Variants in CHRNA7 observed in about 807,000 individuals in gnomAD.
CHRNA7 encodes neuronal acetylcholine receptor subunit alpha-7.
Under a neutral mutation model 48.0 loss-of-function variants are expected in CHRNA7, and 17 were observed. The ratio of observed to expected loss-of-function variants is 0.35; its 90% CI spans 0.24 to 0.53. The LOEUF (loss-of-function observed/expected upper bound fraction) is 0.53. CHRNA7 is among the 20% of genes least tolerant of loss of function. The pLI is 0.92. For missense variants in CHRNA7, 155 were observed against 577.7 expected, an observed-to-expected ratio of 0.27 and a Z score of 7.50; for synonymous variants, 75 against 242.3, an observed-to-expected ratio of 0.31 and a Z score of 6.41.
rs201839214 is a variant in CHRNA7 at position 32,149,277 on chromosome 15, CCT to C, written c.351-4629_351-4628del. Among the ~76,000 whole-genome samples the C allele has an allele frequency of 3.9e-3, 596 of 152,314 alleles. 6 individuals carry two copies. The highest frequency in any genetic ancestry group is 0.013 in the African/African-American group (553 of 41,572). On this transcript the variant is annotated intron_variant, in intron 4 of 9. Transcript: ENST00000306901. This position sits in a 1 kb window ranked among gnomAD's most constrained non-coding sequence, Gnocchi z 4.6. The stretch of plus-strand genomic sequence containing the variant: ...GAGAATGAATCCCTGCAGCCCTACC[CCT>C]GTTTCCACGGTTATGGGTGTTTGCC...
chr15:32,101,524 G>C, intron 3 of CHRNA7, 177 bp downstream of exon 3: 1 of 660,210 alleles, frequency 1.5e-6, no homozygotes, highest in African/African-American at 1.8e-5. Flanking sequence ...AATGCTGGCT[G>C]TATGACACTA....
At chr15:32,109,210 C>T (rs1252847902) in intron 3 of CHRNA7, among the ~76,000 whole-genome samples, 1 of 152,182 alleles carries the variant, frequency 6.6e-6, no homozygotes, top group Non-Finnish European at 1.5e-5. Flanking sequence ...TCATGCCTCT[C>T]TTTTTTAGAC....
rs560494581 is a variant in CHRNA7, at chr15:32,153,074, C to T, written c.351-833C>T. 3.3e-5 allele frequency among the ~76,000 whole-genome samples: 5 copies of T among 152,232 alleles called. No homozygotes were observed. The East Asian group carries it at 9.7e-4, about 29-fold the overall frequency. On this transcript the variant is annotated intron_variant, in intron 4 of 9. Transcript: ENST00000306901. ...ATCGCTAACTGTGGAGCTGGAAGCC[C>T]TCTGGGGTTGTGGTGTCCAGCTCCC...
chr15:32,126,011 A>T (rs1471480628), intron 4 of CHRNA7, among the ~76,000 whole-genome samples: 1 of 47,578 alleles, frequency 2.1e-5, no homozygotes, highest in Non-Finnish European at 3.9e-5. Flanking sequence ...AGCTGATAGC[A>T]AAAAAAAAAA....
chr15:32,047,738 C>G (rs1430707708), intron 2 of CHRNA7, among the ~76,000 whole-genome samples: 1 of 152,176 alleles, frequency 6.6e-6, no homozygotes, highest in Non-Finnish European at 1.5e-5. Flanking sequence ...GAGGGCATCC[C>G]TGTCTGTGCC....
At chr15:32,044,250 T>TTTC (rs1456324175) in intron 2 of CHRNA7, among the ~76,000 whole-genome samples, 6 of 142,518 alleles carry the variant, frequency 4.2e-5, no homozygotes, top group Non-Finnish European at 7.5e-5. Flanking sequence ...GATCGATCTT[T>TTTC]TCCTCCTTCC....
chr15:32,131,476 C>CT (rs1039205130), intron 4 of CHRNA7, among the ~76,000 whole-genome samples: 1 of 152,132 alleles, frequency 6.6e-6, no homozygotes, highest in Non-Finnish European at 1.5e-5. Context: ...GCCCAGCCTA[C>CT]ATGTTGGTAA....
intron 2 of CHRNA7, among the ~76,000 whole-genome samples, chr15:32,082,557 CATAGA>C (rs1307696371): frequency 6.6e-6 from 1 of 152,100 alleles, no homozygotes; most frequent in African/African-American, 2.4e-5. Context: ...ATATGGGGAT[CATAGA>C]ATAGAACTTA....
chr15:32,082,871 A>G (rs2050237414), intron 2 of CHRNA7, among the ~76,000 whole-genome samples: 1 of 152,266 alleles, frequency 6.6e-6, no homozygotes, highest in Middle Eastern at 3.4e-3. Flanking sequence ...ATGATGGCTC[A>G]TGCCTGTAAT....
intron 1 of CHRNA7, 57 bp from the exon 2 acceptor site, chr15:32,030,841 C>CG: frequency 6.3e-7 from 1 of 1,580,514 alleles, no homozygotes. Context: ...AGGAGGGAGT[C>CG]GGGGGTACCC....
At chr15:32,153,581 C>T (rs2051678574) in intron 4 of CHRNA7, 1 of 416,788 alleles carries the variant, frequency 2.4e-6, no homozygotes, top group African/African-American at 2.1e-5. Flanking sequence ...CTTCTAGACA[C>T]CATGAAAATG....
At chr15:32,093,705 GT>G (rs2050420004) in intron 2 of CHRNA7, among the ~76,000 whole-genome samples, 1 of 152,146 alleles carries the variant, frequency 6.6e-6, no homozygotes, top group South Asian at 2.1e-4. Flanking sequence ...TGATCAGCCA[GT>G]TTTCCATCTT....
intron 4 of CHRNA7, among the ~76,000 whole-genome samples, chr15:32,115,003 G>A (rs1159148175): frequency 1.3e-5 from 2 of 152,242 alleles, no homozygotes; most frequent in Non-Finnish European, 2.9e-5. Flanking sequence ...TTTTCCACAA[G>A]GCTCGGTGTC....
chr15:32,100,961 TG>T, intron 2 of CHRNA7: 1 of 229,868 alleles, frequency 4.4e-6, no homozygotes, highest in Non-Finnish European at 8.2e-6. Flanking sequence ...CCTACTTTTA[TG>T]TTTTTTTTTA....
At chr15:32,079,876 C>A (rs1156482760) in intron 2 of CHRNA7, among the ~76,000 whole-genome samples, 1 of 152,058 alleles carries the variant, frequency 6.6e-6, no homozygotes, top group Non-Finnish European at 1.5e-5. Flanking sequence ...GCTGGAGCAG[C>A]ATCACTCTAC....
At chr15:32,116,249 T>G (rs1371781517) in intron 4 of CHRNA7, among the ~76,000 whole-genome samples, 1 of 152,244 alleles carries the variant, frequency 6.6e-6, no homozygotes, top group Non-Finnish European at 1.5e-5. Flanking sequence ...CACTCTATTC[T>G]CGTTTGATAT....
intron 2 of CHRNA7, among the ~76,000 whole-genome samples, chr15:32,084,921 G>T (rs370516460): frequency 6.6e-6 from 1 of 151,206 alleles, no homozygotes; most frequent in Non-Finnish European, 1.5e-5. Context: ...CAACCTCCGC[G>T]TCCTGGGTTC....
chr15:32,087,911 A>C (rs893740745), intron 2 of CHRNA7, among the ~76,000 whole-genome samples: 3 of 152,260 alleles, frequency 2.0e-5, no homozygotes, highest in Admixed American at 2.0e-4. Flanking sequence ...TCCTTTTGTT[A>C]CATTTTGTAT....
intron 4 of CHRNA7, among the ~76,000 whole-genome samples, chr15:32,150,908 C>T (rs1183086373): frequency 6.6e-6 from 1 of 151,768 alleles, no homozygotes; most frequent in African/African-American, 2.4e-5. Context: ...CTTGATCCTA[C>T]CTCCTCCTCT....
Sources: allele counts gnomAD v4.1 joint callset (sites outside exome capture counted in the v4.1 genomes callset), GRCh38; gene constraint gnomAD v4.1.1; non-coding constraint Gnocchi (gnomAD v3.1); transcripts MANE v1.5; gene names NCBI Gene and HGNC (gene_info 2026-07-23, HGNC 2026-07-21).